IGLL1: variants seen among roughly 807,000 people sequenced by gnomAD.
IGLL1 encodes the protein immunoglobulin lambda-like polypeptide 1.
IGLL1 carries 10 observed loss-of-function variants against 10.5 expected under a neutral mutation model. The ratio of observed to expected loss-of-function variants is 0.95; its 90% CI spans 0.59 to 1.62. IGLL1 has a LOEUF of 1.62. IGLL1 is among the 40% of genes most tolerant of loss of function. The pLI is 0.00. For missense variants in IGLL1, 284 were observed against 278.7 expected (o/e 1.02, Z -0.14); for synonymous variants, 141 against 122.7 (o/e 1.15, Z -0.99).
chr22:23,577,247 A>T (rs1378112283), intron 1 of IGLL1, among the ~76,000 whole-genome samples: 8 of 151,950 alleles, frequency 5.3e-5, no homozygotes, highest in Non-Finnish European at 8.8e-5. Context: ...CCTCATCTCT[A>T]CAAAAAATTA....
chr22:23,575,904 C>T (rs1048637498), intron 1 of IGLL1, among the ~76,000 whole-genome samples: 2 of 152,128 alleles, frequency 1.3e-5, no homozygotes, highest in African/African-American at 4.8e-5. Context: ...CTTCCCCTGG[C>T]ATCTGTTTCT....
chr22:23,575,041 C>T lies in IGLL1; in HGVS notation c.248G>A (p.Trp83Ter). ...QRGSWTGPRC[W>*]PRGFQSKHNS... Reference sequence around the variant, plus strand: ...ATGCTTGGATTGAAACCCCCGGGGCCAGCACCTGGGGCCAGTCCAGGAGCC... The same window carrying T: ...ATGCTTGGATTGAAACCCCCGGGGCTAGCACCTGGGGCCAGTCCAGGAGCC... The change falls in exon 2 of 3, where the codon TGG becomes TAG. Residue 83 changes from tryptophan (W) to a stop codon, truncating the protein, a stop_gained. Transcript: ENST00000330377. LOFTEE classifies it high-confidence loss of function. 2 of 1,614,050 alleles carry T rather than the reference C, an allele frequency of 1.2e-6. No individual in the cohort carries two copies. The highest frequency in any genetic ancestry group is 1.7e-6 in the Non-Finnish European group (2 of 1,179,974).
intron 1 of IGLL1, among the ~76,000 whole-genome samples, 158 bp from the exon 2 acceptor site, chr22:23,575,240 A>C (rs1182027610): frequency 6.6e-6 from 1 of 152,002 alleles, no homozygotes; most frequent in African/African-American, 2.4e-5. Context: ...CCCCTCTCTG[A>C]AACTGTTGGT....
At chr22:23,574,444 G>C (rs983480035) in intron 2 of IGLL1, among the ~76,000 whole-genome samples, 5 of 151,858 alleles carry the variant, frequency 3.3e-5, no homozygotes, top group Non-Finnish European at 7.4e-5. Flanking sequence ...CCGTTCCTCT[G>C]TGTCCCCATG....
chr22:23,574,855 G>T, intron 2 of IGLL1, 112 bp downstream of exon 2: 2 of 767,740 alleles, frequency 2.6e-6, no homozygotes, highest in Admixed American at 2.0e-5. Context: ...GACAAAGGTA[G>T]GGGTCAGTGC....
At chr22:23,579,690 C>A (rs1925240955) in intron 1 of IGLL1, among the ~76,000 whole-genome samples, 1 of 152,060 alleles carries the variant, frequency 6.6e-6, no homozygotes, top group Non-Finnish European at 1.5e-5. Context: ...TGCCTCCAGT[C>A]CTGCCCTACC....
chr22:23,580,036 G>A lies in IGLL1; in HGVS notation c.155C>T (p.Pro52Leu). 1 of 1,577,652 alleles carries A rather than the reference G, an allele frequency of 6.3e-7. No individual in the cohort carries two copies. The highest frequency in any genetic ancestry group is 8.6e-7 in the Non-Finnish European group (1 of 1,165,134). ...CCGGCTGCTTCCTCCAGGGGCTCCA[G>A]GGCCCAGGGCCCTGCTCTGCGATGC... ...TAASQSRALG[P>L]GAPGGSSRSS... is the part of the protein sequence containing the mutation. The change falls in exon 1 of 3, where the codon CCT (proline) becomes CTT (leucine). Residue 52 changes from proline (P) to leucine (L), a missense_variant. Pro to Leu is a moderately conservative substitution (Grantham distance 98). Transcript: ENST00000330377.
intron 1 of IGLL1, among the ~76,000 whole-genome samples, chr22:23,576,996 T>A (rs1338579619): frequency 6.6e-6 from 1 of 152,216 alleles, no homozygotes; most frequent in Non-Finnish European, 1.5e-5. Flanking sequence ...TCAAATGACA[T>A]TTGTCCTTTT....
chr22:23,574,877 A>C (rs1200097098), intron 2 of IGLL1, 90 bp downstream of exon 2: 16 of 867,212 alleles, frequency 1.8e-5, no homozygotes, highest in Non-Finnish European at 2.9e-5. Context: ...TAAGGCTGGG[A>C]GGGCAGAGGG....
At chr22:23,579,747 TG>T (rs1182312986) in intron 1 of IGLL1, among the ~76,000 whole-genome samples, 2 of 152,058 alleles carry the variant, frequency 1.3e-5, no homozygotes, top group African/African-American at 4.8e-5. Flanking sequence ...TGGTGCCAAA[TG>T]TAAGTGGGGG....
chr22:23,574,373 C>A (rs1924951567), intron 2 of IGLL1, among the ~76,000 whole-genome samples: 1 of 152,210 alleles, frequency 6.6e-6, no homozygotes, highest in African/African-American at 2.4e-5. Context: ...CACATCTCTG[C>A]ACTAAGAGAC....
At chr22:23,574,440 C>G (rs1924955411) in intron 2 of IGLL1, among the ~76,000 whole-genome samples, 1 of 151,948 alleles carries the variant, frequency 6.6e-6, no homozygotes, top group South Asian at 2.1e-4. Context: ...TCATCCGTTC[C>G]TCTGTGTCCC....
intron 1 of IGLL1, among the ~76,000 whole-genome samples, chr22:23,578,949 A>T (rs1925194031): frequency 1.3e-5 from 2 of 152,088 alleles, no homozygotes; most frequent in African/African-American, 4.8e-5. Context: ...GACAAGAGTG[A>T]AACTCTGTGA....
Position 23,573,545 on chromosome 22 carries a change from C to T in IGLL1, c.363G>A (p.Pro121=), listed in dbSNP as rs146127121. The change falls in exon 3 of 3, where the codon CCG becomes CCA. Residue 121 remains proline (P), a synonymous_variant. Coordinates refer to ENST00000330377, the MANE Select transcript of IGLL1 (RefSeq NM_020070.4). ...KATPSVTLFP[P]SSEELQANKA... The stretch of plus-strand genomic sequence containing the variant: ...TGTTGGCTTGGAGCTCCTCAGAGGA[C>T]GGCGGGAACAGAGTGACCGAGGGGG... 3.6e-5 allele frequency: 58 copies of T among 1,613,620 alleles called. 1 individual carries two copies. Among genetic ancestry groups the T allele is most frequent in the African/African-American group, 1.7e-4 (13 of 74,800 alleles).
Position 23,573,255 on chromosome 22 carries a change from G to A in IGLL1, c.*11C>T, listed in dbSNP as rs746534228. The A allele has an allele frequency of 1.2e-6, 2 of 1,613,728 alleles. No individual in the cohort carries two copies. The highest frequency in any genetic ancestry group is 1.7e-6 in the Non-Finnish European group (2 of 1,179,780). ...CTCCAGGCCCCTTTGGGTGGGGTCG[G>A]GGCTGGGAACCTATGAACATTCTGC... On this transcript the variant is annotated 3_prime_UTR_variant, in exon 3 of 3. Transcript: ENST00000330377.
Position 23,575,165 on chromosome 22 carries a change from G to T in IGLL1, c.207-83C>A, listed in dbSNP as rs1002776535. 41 of 910,854 alleles carry T rather than the reference G, an allele frequency of 4.5e-5. No individual in the cohort carries two copies. In the African/African-American group the frequency reaches 6.5e-4, roughly 14 times the overall value. 56.4% of individuals were successfully genotyped at this position (910,854 alleles called of 1,614,324 possible). A position where few individuals can be genotyped will look rare whatever the true frequency, so the allele number is the denominator to read the frequency against. On this transcript the variant is annotated intron_variant, in intron 1 of 2. Coordinates refer to ENST00000330377, the MANE Select transcript of IGLL1 (RefSeq NM_020070.4). ...TAGGGGGGTGGCCAGTGTCCCAGTA[G>T]TGTCCCCCAGTAGTGTCTCTGTGCC...
At chr22:23,577,522 G>C (rs145686738) in intron 1 of IGLL1, among the ~76,000 whole-genome samples, 136 of 149,820 alleles carry the variant, frequency 9.1e-4, no homozygotes, top group African/African-American at 3.3e-3. Flanking sequence ...AATTCTACAG[G>C]AATAATCAGT....
intron 2 of IGLL1, 65 bp from the exon 3 acceptor site, chr22:23,573,650 C>T: frequency 2.3e-6 from 3 of 1,298,802 alleles, no homozygotes; most frequent in South Asian, 1.2e-5. Flanking sequence ...GAGCGCCTCT[C>T]TCTGTCTAAA....
intron 1 of IGLL1, among the ~76,000 whole-genome samples, chr22:23,577,959 A>G (rs1187967020): frequency 6.7e-6 from 1 of 148,564 alleles, no homozygotes; most frequent in Non-Finnish European, 1.5e-5. Context: ...ATCTCAGCTC[A>G]CTGCAACCTC....
Sources: allele counts gnomAD v4.1 joint callset (sites outside exome capture counted in the v4.1 genomes callset), GRCh38; gene constraint gnomAD v4.1.1; transcripts MANE v1.5; gene names NCBI Gene and HGNC (gene_info 2026-07-23, HGNC 2026-07-21).